ANKRD11: variants seen among roughly 807,000 people sequenced by gnomAD.
The protein encoded by ANKRD11 is ankyrin repeat domain 11.
Under a neutral mutation model 195.7 loss-of-function variants are expected in ANKRD11, and 17 were observed. That is an observed-to-expected ratio of 0.09 (90% CI 0.06 to 0.13). The LOEUF (loss-of-function observed/expected upper bound fraction) is 0.13. ANKRD11 is among the 10% of genes least tolerant of loss of function. ANKRD11 has a pLI of 1.00. For missense variants in ANKRD11, 3,735 were observed against 3,566.1 expected, an observed-to-expected ratio of 1.05 and a Z score of -1.21; for synonymous variants, 1,953 against 1,528.1, an observed-to-expected ratio of 1.28 and a Z score of -6.49.
chr16:89,485,734 T>G (rs1053081475), intron 1 of ANKRD11, among the ~76,000 whole-genome samples: 3 of 152,078 alleles, frequency 2.0e-5, no homozygotes, highest in Non-Finnish European at 4.4e-5. Flanking sequence ...AAAAAATCAA[T>G]AGGGCACACC....
intron 2 of ANKRD11, among the ~76,000 whole-genome samples, chr16:89,404,835 T>A (rs2041843180): frequency 6.6e-6 from 1 of 152,228 alleles, no homozygotes; most frequent in Non-Finnish European, 1.5e-5. Context: ...TGACGCTGAA[T>A]GTACTACACA....
intron 2 of ANKRD11, among the ~76,000 whole-genome samples, chr16:89,350,448 C>T (rs915794361): frequency 3.3e-5 from 5 of 152,116 alleles, no homozygotes; most frequent in African/African-American, 1.2e-4. Context: ...GATGAACATG[C>T]GACATATCTA....
At chr16:89,275,884 C>T (rs2033612758) in intron 9 of ANKRD11, among the ~76,000 whole-genome samples, 1 of 152,192 alleles carries the variant, frequency 6.6e-6, no homozygotes, top group Non-Finnish European at 1.5e-5. Flanking sequence ...AGAAACAAGG[C>T]CCACACAGGA....
At position 89,283,167 on chromosome 16, in the gene ANKRD11, G is replaced by T. The variant is rs751187108; in HGVS notation, c.3375C>A (p.Asp1125Glu). The change falls in exon 9 of 13, where the codon GAC becomes GAA. Residue 1125 changes from aspartate to glutamate, a missense_variant. Coordinates refer to ENST00000301030, the MANE Select transcript of ANKRD11 (RefSeq NM_013275.6). The surrounding 1 kb of genome is among the most constrained non-coding windows in gnomAD (Gnocchi z 4.3). ...CGCTCCCCATGCAGCTGTCTCTGTC[G>T]TCCTCACTCTCATCTGTGAAGATGT... ...IADIFTDESE[D>E]DRDSCMGSGF... 4 of 1,613,956 alleles carry T rather than the reference G, an allele frequency of 2.5e-6. No individual in the cohort carries two copies. The East Asian group carries it at 6.7e-5, about 27-fold the overall frequency.
chr16:89,465,604 G>A (rs77336844), intron 1 of ANKRD11, among the ~76,000 whole-genome samples: 4 of 152,168 alleles, frequency 2.6e-5, no homozygotes, highest in South Asian at 2.1e-4. Flanking sequence ...GGAAAAAGTC[G>A]CTTCTGTGTG....
At chr16:89,301,969 G>T (rs1240017694) in intron 4 of ANKRD11, among the ~76,000 whole-genome samples, 1 of 152,152 alleles carries the variant, frequency 6.6e-6, no homozygotes, top group Non-Finnish European at 1.5e-5. Flanking sequence ...CGGCACGGTG[G>T]TGACCCTGCA....
intron 2 of ANKRD11, 136 bp downstream of exon 2, chr16:89,418,148 C>A: frequency 2.5e-6 from 1 of 395,504 alleles, no homozygotes; most frequent in East Asian, 7.4e-5. Flanking sequence ...AAATCCAGAA[C>A]AAAATTCACA....
chr16:89,349,902 ACACACACACAT>A (rs1442003560), intron 2 of ANKRD11, among the ~76,000 whole-genome samples: 4 of 136,848 alleles, frequency 2.9e-5, no homozygotes, highest in African/African-American at 1.2e-4. Context: ...ACACACACAC[ACACACACACAT>A]ATTCAAACAA....
At chr16:89,273,933 G>A (rs1156333522) in intron 11 of ANKRD11, among the ~76,000 whole-genome samples, 2 of 152,120 alleles carry the variant, frequency 1.3e-5, no homozygotes, top group Admixed American at 6.6e-5. Flanking sequence ...TGGACACCAA[G>A]GCAGGAATGT....
At chr16:89,277,324 C>T (rs937195374) in intron 9 of ANKRD11, among the ~76,000 whole-genome samples, 1 of 152,198 alleles carries the variant, frequency 6.6e-6, no homozygotes, top group Non-Finnish European at 1.5e-5. Flanking sequence ...GGAGCTGTGC[C>T]TTGGGCCTCA....
At position 89,423,788 on chromosome 16, in the gene ANKRD11, T is replaced by G. The variant is rs574101099; in HGVS notation, c.-144-5420A>C. Among the ~76,000 whole-genome samples, 26 of 152,274 alleles carry G rather than the reference T, an allele frequency of 1.7e-4. No individual in the cohort carries two copies. The East Asian group carries it at 5.0e-3, about 29-fold the overall frequency. On this transcript the variant is annotated intron_variant, in intron 1 of 12. Transcript: ENST00000301030. ...TAAATGGTCCGTTTTCCAGGCATGA[T>G]AAATCTACGCAATGGCAGCCAGCCT...
chr16:89,311,362 T>G (rs1409281983), intron 3 of ANKRD11, among the ~76,000 whole-genome samples: 1 of 152,232 alleles, frequency 6.6e-6, no homozygotes, highest in African/African-American at 2.4e-5. Flanking sequence ...TATCCTGTAG[T>G]ACCTTTGTCT....
chr16:89,314,200 G>A (rs951096275), intron 3 of ANKRD11, among the ~76,000 whole-genome samples: 1 of 152,114 alleles, frequency 6.6e-6, no homozygotes, highest in Non-Finnish European at 1.5e-5. Context: ...GTTGCAGTGA[G>A]CTGAGACTCT....
chr16:89,312,902 C>G (rs1262204222), intron 3 of ANKRD11, among the ~76,000 whole-genome samples: 1 of 152,180 alleles, frequency 6.6e-6, no homozygotes, highest in African/African-American at 2.4e-5. Flanking sequence ...AGCTCCCCAC[C>G]TGCAGCACTG....
intron 1 of ANKRD11, among the ~76,000 whole-genome samples, chr16:89,446,061 T>C (rs888357543): frequency 4.0e-5 from 6 of 151,620 alleles, no homozygotes; most frequent in African/African-American, 1.5e-4. Flanking sequence ...ATATGAAGCT[T>C]TGTTTTGTTC....
At chr16:89,323,859 G>A (rs1162189647) in intron 2 of ANKRD11, 1 of 217,168 alleles carries the variant, frequency 4.6e-6, no homozygotes. Context: ...TAACATGGGT[G>A]TCCTCCGTCT....
At chr16:89,296,006 T>TTTTTTTTTTTTG (rs1567600750) in intron 4 of ANKRD11, among the ~76,000 whole-genome samples, 2 of 137,878 alleles carry the variant, frequency 1.5e-5, no homozygotes, top group Admixed American at 7.2e-5. Context: ...TTTTTTTTTT[T>TTTTTTTTTTTTG]GAGACAAGGT....
rs1567582826 is a variant in ANKRD11, at chr16:89,285,311, A to T, written c.1231T>A (p.Ser411Thr). ...GTGACACTCGCGTCCTCCTCGTCCG[A>T]CGTGTCTGACAGGATACGATGGGAC... is the stretch of plus-strand genomic sequence containing the variant. ...KASHRILSDT[S>T]DEEDASVTVG... Residue 411 changes from serine (S) to threonine (T), a missense_variant, in exon 9 of 13, where the codon TCG becomes ACG. Physicochemically the swap from Ser to Thr is moderately conservative, Grantham distance 58. Transcript: ENST00000301030. This position sits in a 1 kb window ranked among gnomAD's most constrained non-coding sequence, Gnocchi z 5.6. The T allele has an allele frequency of 6.2e-7, 1 of 1,613,844 alleles. No homozygotes were observed. The highest frequency in any genetic ancestry group is 1.7e-5 in the Admixed American group (1 of 60,012).
chr16:89,290,902 GCCA>G, intron 5 of ANKRD11, 74 bp from the exon 6 acceptor site: 6 of 1,608,706 alleles, frequency 3.7e-6, no homozygotes, highest in Non-Finnish European at 4.2e-6. Flanking sequence ...AAGAGCCCAG[GCCA>G]CCATCACGAG....
Sources: allele counts gnomAD v4.1 joint callset (sites outside exome capture counted in the v4.1 genomes callset), GRCh38; gene constraint gnomAD v4.1.1; non-coding constraint Gnocchi (gnomAD v3.1); transcripts MANE v1.5; gene names NCBI Gene and HGNC (gene_info 2026-07-23, HGNC 2026-07-21).